The following ATP11B variants were observed in gnomAD, a reference collection of about 807,000 sequenced individuals.
The protein encoded by ATP11B is phospholipid-transporting ATPase IF.
ATP11B carries 81 observed loss-of-function variants against 157.8 expected under a neutral mutation model. The observed-to-expected ratio is 0.51, with a 90% CI of 0.43 to 0.62. The LOEUF is 0.62. Ranked by LOEUF, ATP11B falls within the 20% of genes least tolerant of loss-of-function variation. The probability of loss-of-function intolerance (pLI) is 0.00; values close to 1 mark genes in which losing one functional copy is unlikely to be tolerated. For missense variants in ATP11B, 1,165 were observed against 1,402.2 expected, an observed-to-expected ratio of 0.83 and a Z score of 2.70; for synonymous variants, 451 against 469.4, an observed-to-expected ratio of 0.96 and a Z score of 0.51.
In ATP11B at chr3:182,817,501, G is replaced by A. The variant is rs142569839; in HGVS notation, c.28-2759G>A. Reference sequence around the variant, plus strand: ...TCACCATGTTGGCCAGGACAGTCTCGATCTCCTGACCTCGTGATCTGCCTG... The same window carrying A: ...TCACCATGTTGGCCAGGACAGTCTCAATCTCCTGACCTCGTGATCTGCCTG... On this transcript the variant is annotated intron_variant, in intron 1 of 29. Transcript: ENST00000323116. Among the ~76,000 whole-genome samples the A allele has an allele frequency of 4.5e-3, 679 of 152,132 alleles. 5 individuals carry two copies. The highest frequency in any genetic ancestry group is 0.015 in the African/African-American group (636 of 41,524).
intron 29 of ATP11B, chr3:182,917,457 T>A (rs908109942): frequency 1.7e-5 from 17 of 985,230 alleles, no homozygotes; most frequent in Non-Finnish European, 1.9e-5. Flanking sequence ...TCCAGACCAG[T>A]AGAGGATCGT....
chr3:182,897,785 ATAAAG>A (rs1210596692), intron 27 of ATP11B, among the ~76,000 whole-genome samples: 2 of 152,052 alleles, frequency 1.3e-5, no homozygotes, highest in Admixed American at 1.3e-4. Context: ...AATATATACA[ATAAAG>A]TAAGTCACAT....
At chr3:182,863,104 G>A (rs1036413325) in intron 12 of ATP11B, among the ~76,000 whole-genome samples, 1 of 151,780 alleles carries the variant, frequency 6.6e-6, no homozygotes, top group East Asian at 1.9e-4. Flanking sequence ...TTTTAGTAGA[G>A]ATGGGGTTTC....
At chr3:182,851,806 A>G (rs1168940512) in intron 10 of ATP11B, among the ~76,000 whole-genome samples, 1 of 152,240 alleles carries the variant, frequency 6.6e-6, no homozygotes, top group Non-Finnish European at 1.5e-5. Flanking sequence ...TTGACCAAAA[A>G]TTACATGAGA....
intron 1 of ATP11B, among the ~76,000 whole-genome samples, chr3:182,802,052 T>C (rs1235081327): frequency 6.6e-6 from 1 of 152,174 alleles, no homozygotes; most frequent in African/African-American, 2.4e-5. Context: ...ATATACAGAA[T>C]TTTTGTCAAT....
chr3:182,819,284 G>C (rs1216805048), intron 1 of ATP11B, among the ~76,000 whole-genome samples: 1 of 151,912 alleles, frequency 6.6e-6, no homozygotes, highest in Non-Finnish European at 1.5e-5. Flanking sequence ...TGTTGGCCAG[G>C]ATGGTCTCGA....
At chr3:182,916,280 A>C in intron 29 of ATP11B, 12 of 985,336 alleles carry the variant, frequency 1.2e-5, no homozygotes, top group Non-Finnish European at 1.3e-5. Flanking sequence ...AGGTGGGGCA[A>C]GTCTGAGACT....
intron 17 of ATP11B, among the ~76,000 whole-genome samples, chr3:182,870,397 C>CT (rs1560102167): frequency 6.6e-6 from 1 of 152,168 alleles, no homozygotes; most frequent in African/African-American, 2.4e-5. Flanking sequence ...CATCTGCCTT[C>CT]TTTAACAGTT....
rs957706962 is a variant in ATP11B at position 182,820,554 on chromosome 3, C to T, written c.144+178C>T. On this transcript the variant is annotated intron_variant, in intron 2 of 29. Coordinates refer to ENST00000323116, the MANE Select transcript of ATP11B (RefSeq NM_014616.3). ...AAAAAATTAGCCAGGTGTGGTGGCA[C>T]ACCTCTACTGACAGCTACTCTGGAG... 2.6e-5 allele frequency among the ~76,000 whole-genome samples: 4 copies of T among 152,054 alleles called. No individual in the cohort carries two copies. In the East Asian group the frequency reaches 7.7e-4, roughly 29 times the overall value.
intron 12 of ATP11B, among the ~76,000 whole-genome samples, chr3:182,862,907 C>CATTT (rs571815284): frequency 0.01 from 1,524 of 151,130 alleles, 25 homozygotes; most frequent in African/African-American, 0.035. Flanking sequence ...CAAGTTGATC[C>CATTT]ATTTATTTAT....
intron 1 of ATP11B, among the ~76,000 whole-genome samples, chr3:182,805,183 C>G (rs772333210): frequency 6.6e-6 from 1 of 152,166 alleles, no homozygotes; most frequent in Non-Finnish European, 1.5e-5. Context: ...CTGTTTTTAA[C>G]TTTGTGAGGA....
intron 29 of ATP11B, chr3:182,914,813 G>A (rs1376782971): frequency 1.0e-6 from 1 of 985,188 alleles, no homozygotes; most frequent in Non-Finnish European, 1.2e-6. Context: ...ACTATTTAGA[G>A]GATGTTAGGG....
At chr3:182,800,782 T>A (rs1715949250) in intron 1 of ATP11B, among the ~76,000 whole-genome samples, 1 of 101,148 alleles carries the variant, frequency 9.9e-6, no homozygotes, top group Non-Finnish European at 2.1e-5. Flanking sequence ...GCAAATTCTT[T>A]TGATTTTTTT....
chr3:182,899,936 G>T (rs1247146916), intron 28 of ATP11B, among the ~76,000 whole-genome samples: 1 of 152,110 alleles, frequency 6.6e-6, no homozygotes, highest in Admixed American at 6.5e-5. Flanking sequence ...CTTATGCCCT[G>T]AGCTTATTAA....
chr3:182,909,037 C>CA (rs1560132251), intron 28 of ATP11B, among the ~76,000 whole-genome samples: 1 of 152,060 alleles, frequency 6.6e-6, no homozygotes, highest in African/African-American at 2.4e-5. Context: ...CTTTAAAAAA[C>CA]AAAAACCTTT....
At chr3:182,878,127 A>G (rs1327494197) in intron 19 of ATP11B, among the ~76,000 whole-genome samples, 1 of 152,266 alleles carries the variant, frequency 6.6e-6, no homozygotes, top group Non-Finnish European at 1.5e-5. Context: ...AGTAGTAATG[A>G]GAAAAATACA....
intron 1 of ATP11B, among the ~76,000 whole-genome samples, chr3:182,817,996 G>C: frequency 6.6e-6 from 1 of 152,094 alleles, no homozygotes; most frequent in East Asian, 1.9e-4. Context: ...GTTTAAATTA[G>C]TGTTAAAGAG....
intron 10 of ATP11B, among the ~76,000 whole-genome samples, chr3:182,853,988 T>A (rs1720179561): frequency 6.6e-6 from 1 of 152,174 alleles, no homozygotes; most frequent in African/African-American, 2.4e-5. Flanking sequence ...AGACCATTCA[T>A]GTGTGGGTTT....
rs115190471 is a variant in ATP11B, at chr3:182,821,082, T to C, written c.144+706T>C. On this transcript the variant is annotated intron_variant, in intron 2 of 29. Transcript: ENST00000323116. ...TTTCCCAAGGTTGCTCACTAGTAAA[T>C]GGCTAGATTGGATTTTTGGGGTTTT... Among the ~76,000 whole-genome samples, 245 of 152,236 alleles carry C rather than the reference T, an allele frequency of 1.6e-3. 1 individual carries two copies. Among genetic ancestry groups the C allele is most frequent in the African/African-American group, 5.7e-3 (238 of 41,544 alleles).
Sources: allele counts gnomAD v4.1 joint callset (sites outside exome capture counted in the v4.1 genomes callset), GRCh38; gene constraint gnomAD v4.1.1; transcripts MANE v1.5; gene names NCBI Gene and HGNC (gene_info 2026-07-23, HGNC 2026-07-21).